Variants in KIAA1549 observed in about 807,000 individuals in gnomAD.
KIAA1549 encodes UPF0606 protein KIAA1549.
KIAA1549 carries 70 observed loss-of-function variants against 156.4 expected under a neutral mutation model. The ratio of observed to expected loss-of-function variants is 0.45; its 90% CI spans 0.37 to 0.55. The LOEUF (loss-of-function observed/expected upper bound fraction) is 0.55, where lower values mean the gene tolerates loss of function less well. Among genes scored for constraint, KIAA1549 ranks in the 20% least tolerant of loss-of-function variants. The probability of loss-of-function intolerance (pLI) is 0.00; values close to 1 mark genes in which losing one functional copy is unlikely to be tolerated. For synonymous variants in KIAA1549, 1,103 were observed against 1,066.4 expected, an observed-to-expected ratio of 1.03 and a Z score of -0.67; for missense variants, 2,428 against 2,540.9, an observed-to-expected ratio of 0.96 and a Z score of 0.96.
At chr7:138,914,597 T>C (rs950937007) in intron 2 of KIAA1549, among the ~76,000 whole-genome samples, 3 of 151,990 alleles carry the variant, frequency 2.0e-5, no homozygotes, top group African/African-American at 4.8e-5. Context: ...CGGACAACCA[T>C]GAAAAGGACA....
rs766121846 is a variant in KIAA1549, at chr7:138,867,956, T to C, written c.4929+19A>G. On this transcript the variant is annotated intron_variant, in intron 15 of 19. Transcript: ENST00000422774. The stretch of plus-strand genomic sequence containing the variant: ...GCCGCCCCACCCGAGTTCCAGAAAC[T>C]GGAGTCGGTGGCACGCACTGGGCAT... 3 of 1,610,098 alleles carry C rather than the reference T, an allele frequency of 1.9e-6. No homozygotes were observed. Among genetic ancestry groups the C allele is most frequent in the East Asian group, 4.5e-5 (2 of 44,788 alleles).
chr7:138,919,007 C>G lies in KIAA1549; in HGVS notation c.619G>C (p.Glu207Gln), dbSNP rs747558389. 94 of 1,613,926 alleles carry G rather than the reference C, an allele frequency of 5.8e-5. No homozygotes were observed. The highest frequency in any genetic ancestry group is 7.8e-5 in the Non-Finnish European group (92 of 1,179,914). Reference protein sequence around the residue: ...SLPMVSLQDEEVTSGWQNTTR... With the variant: ...SLPMVSLQDEQVTSGWQNTTR... ...GTGTTCTGCCAGCCCGATGTCACTT[C>G]TTCATCTTGTAAAGAAACCATGGGT... Residue 207 changes from glutamate to glutamine, a missense_variant, in exon 2 of 20, where the codon GAA becomes CAA. Glu to Gln is a conservative substitution (Grantham distance 29). Transcript: ENST00000422774.
At chr7:138,946,095 C>T (rs1018975437) in intron 1 of KIAA1549, among the ~76,000 whole-genome samples, 4 of 152,122 alleles carry the variant, frequency 2.6e-5, no homozygotes, top group African/African-American at 7.2e-5. Flanking sequence ...CCCAGTCCCA[C>T]GTTCTTACTG....
Position 138,918,875 on chromosome 7 carries a change from C to G in KIAA1549, c.751G>C (p.Val251Leu), listed in dbSNP as rs1200936464. ...GIVPTPGRNL[V>L]LYPTDAYSHL... is the part of the protein sequence containing the mutation. ...CTGTAAGCATCAGTAGGATAAAGCA[C>G]CAAATTCCTGCCAGGAGTTGGAACG... The change falls in exon 2 of 20, where the codon GTG (valine) becomes CTG (leucine). Residue 251 changes from valine (V) to leucine (L), a missense_variant. Val to Leu is a conservative substitution (Grantham distance 32). Around this residue, in one of 5 missense-constraint regions of KIAA1549, gnomAD observed 893 missense variants for 847.9 expected, o/e 1.05. Transcript: ENST00000422774. This position sits in a 1 kb window ranked among gnomAD's most constrained non-coding sequence, Gnocchi z 4.2. 6.2e-7 allele frequency: 1 copy of G among 1,614,004 alleles called. No individual in the cohort carries two copies. The highest frequency in any genetic ancestry group is 2.2e-5 in the East Asian group (1 of 44,866).
chr7:138,879,301 T>C (rs1484068837), intron 12 of KIAA1549, among the ~76,000 whole-genome samples: 1 of 152,174 alleles, frequency 6.6e-6, no homozygotes, highest in Non-Finnish European at 1.5e-5. Context: ...GACTCTTAAC[T>C]AGAGTGAAGC....
chr7:138,881,305 G>A, intron 11 of KIAA1549, 83 bp downstream of exon 11: 1 of 1,376,862 alleles, frequency 7.3e-7, no homozygotes, highest in Non-Finnish European at 1.0e-6. Context: ...CTCACCATCA[G>A]CCCCTGTGAC....
rs1285152016 is a variant in KIAA1549 at position 138,911,291 on chromosome 7, C to T, written c.3000G>A (p.Leu1000=). ...VYELFTDFTF[L]VTSGPFVYTA... ...TGTAAACGAAAGGACCGGATGTTAC[C>T]AGAAAAGTGAAGTCAGTAAATAGTT... Residue 1000 remains leucine (L), a synonymous_variant, in exon 4 of 20, where the codon CTG becomes CTA. Transcript: ENST00000422774. 1.3e-6 allele frequency: 2 copies of T among 1,599,848 alleles called. No homozygotes were observed. The highest frequency in any genetic ancestry group is 1.3e-5 in the African/African-American group (1 of 74,552).
chr7:138,949,032 T>G (rs1813415359), intron 1 of KIAA1549, among the ~76,000 whole-genome samples: 1 of 152,198 alleles, frequency 6.6e-6, no homozygotes, highest in Non-Finnish European at 1.5e-5. Flanking sequence ...TACGGGGTCA[T>G]GAGGTTGACA....
intron 1 of KIAA1549, among the ~76,000 whole-genome samples, chr7:138,956,668 G>A (rs913291772): frequency 3.9e-5 from 6 of 152,162 alleles, no homozygotes; most frequent in Non-Finnish European, 5.9e-5. Context: ...TCAGCCACAT[G>A]GAACTGTGAG....
chr7:138,899,467 G>C (rs1164694119), intron 8 of KIAA1549, among the ~76,000 whole-genome samples: 1 of 152,198 alleles, frequency 6.6e-6, no homozygotes, highest in East Asian at 1.9e-4. Context: ...CACGTCATAA[G>C]AGAGCATCAT....
intron 1 of KIAA1549, among the ~76,000 whole-genome samples, chr7:138,976,591 C>T (rs759502699): frequency 2.6e-5 from 4 of 152,058 alleles, no homozygotes; most frequent in Non-Finnish European, 5.9e-5. Context: ...TCTTACTGTG[C>T]CTCATTTTTT....
At chr7:138,951,385 C>T (rs76837189) in intron 1 of KIAA1549, among the ~76,000 whole-genome samples, 8,311 of 152,262 alleles carry the variant, frequency 0.055, 240 homozygotes, top group Middle Eastern at 0.088. Flanking sequence ...AGCACAGTTT[C>T]TCCTTGACTC....
intron 1 of KIAA1549, among the ~76,000 whole-genome samples, chr7:138,922,632 A>C (rs939467314): frequency 2.6e-5 from 4 of 151,988 alleles, no homozygotes; most frequent in African/African-American, 9.6e-5. Flanking sequence ...ATAATTAATA[A>C]ATTTTAAACT....
intron 6 of KIAA1549, 129 bp from the exon 7 acceptor site, chr7:138,905,210 C>T (rs1012203370): frequency 2.1e-5 from 14 of 673,858 alleles, no homozygotes; most frequent in East Asian, 1.1e-4. Flanking sequence ...GTCAGATTAG[C>T]GTGAGGACGT....
At chr7:138,888,387 T>A (rs1454447501) in intron 10 of KIAA1549, among the ~76,000 whole-genome samples, 2 of 152,248 alleles carry the variant, frequency 1.3e-5, no homozygotes, top group Non-Finnish European at 2.9e-5. Context: ...GATTGATTAC[T>A]GGATACTGCA....
chr7:138,897,657 G>A (rs941043329), intron 9 of KIAA1549, among the ~76,000 whole-genome samples: 4 of 151,896 alleles, frequency 2.6e-5, no homozygotes, highest in African/African-American at 9.7e-5. Flanking sequence ...ACCTTGGGAG[G>A]TCAAGGTGGG....
In KIAA1549 at chr7:138,918,097, T is replaced by A; in HGVS notation, c.1529A>T (p.Glu510Val). Residue 510 changes from glutamate (E) to valine (V), a missense_variant, in exon 2 of 20, where the codon GAG (glutamate) becomes GTG (valine). Coordinates refer to ENST00000422774, the MANE Select transcript of KIAA1549 (RefSeq NM_001164665.2). The surrounding 1 kb of genome is among the most constrained non-coding windows in gnomAD (Gnocchi z 4.2). Reference sequence around the variant, plus strand: ...GGTTGTAACACTACTCATATCCACCTCGGCAGAAATGCCAACACTCGTCTC... The same window carrying A: ...GGTTGTAACACTACTCATATCCACCACGGCAGAAATGCCAACACTCGTCTC... ...ISETSVGISA[E>V]VDMSSVTTTQ... 1 of 1,613,932 alleles carries A rather than the reference T, an allele frequency of 6.2e-7. No individual in the cohort carries two copies. The highest frequency in any genetic ancestry group is 8.5e-7 in the Non-Finnish European group (1 of 1,179,876).
At chr7:138,861,550 G>A in intron 15 of KIAA1549, 94 bp from the exon 16 acceptor site, 1 of 1,047,930 alleles carries the variant, frequency 9.5e-7, no homozygotes, top group South Asian at 1.4e-5. Context: ...TCTATCATAA[G>A]AATTAAAAAA....
At chr7:138,889,337 GA>G (rs1811486982) in intron 10 of KIAA1549, among the ~76,000 whole-genome samples, 1 of 152,080 alleles carries the variant, frequency 6.6e-6, no homozygotes, top group African/African-American at 2.4e-5. Context: ...GCCCATGTAG[GA>G]AAGAAACATG....
Sources: gnomAD v4.1 joint callset for allele counts (sites outside exome capture counted in the v4.1 genomes callset) on GRCh38, gnomAD v4.1.1 for gene constraint, gnomAD v4.1.1 regional missense constraint, Gnocchi (gnomAD v3.1) non-coding constraint, MANE v1.5 for transcripts, NCBI Gene and HGNC (gene_info 2026-07-23, HGNC 2026-07-21) for gene names.